The following ZNF26 variants were observed in gnomAD, a reference collection of about 807,000 sequenced individuals.
ZNF26 encodes zinc finger protein 26.
Under a neutral mutation model 54.9 loss-of-function variants are expected in ZNF26, and 32 were observed. The observed-to-expected ratio is 0.58, with a 90% CI of 0.44 to 0.78. ZNF26 has a LOEUF of 0.78. Among genes scored for constraint, ZNF26 ranks in the 30% least tolerant of loss-of-function variants. The pLI, the probability that ZNF26 is intolerant of heterozygous loss-of-function variation, is 0.00. For missense variants in ZNF26, 524 were observed against 634.0 expected, an observed-to-expected ratio of 0.83 and a Z score of 1.86; for synonymous variants, 221 against 209.2, an observed-to-expected ratio of 1.06 and a Z score of -0.49.
chr12:133,010,559 A>G lies in ZNF26; in HGVS notation c.680A>G (p.Glu227Gly), dbSNP rs1593670122. 6.2e-7 allele frequency: 1 copy of G among 1,614,070 alleles called. No individual in the cohort carries two copies. Among genetic ancestry groups the G allele is most frequent in the African/African-American group, 1.3e-5 (1 of 74,936 alleles). The change falls in exon 4 of 4, where the codon GAA becomes GGA. Residue 227 changes from glutamate to glycine, a missense_variant. Glu to Gly is a moderately conservative substitution (Grantham distance 98). Coordinates refer to ENST00000328654, the MANE Select transcript of ZNF26 (RefSeq NM_019591.4). ...GCTCATCAGAGAGTTCATACAGGAG[A>G]AAAACCCTACTCATGTAGTGAGTGC... ...LNAHQRVHTG[E>G]KPYSCSECEK... is the part of the protein sequence containing the mutation.
In ZNF26 at chr12:133,001,735, A is replaced by T. The variant is rs921343492; in HGVS notation, c.34-5307A>T. 4.9e-5 allele frequency: 63 copies of T among 1,287,716 alleles called. 2 individuals are homozygous for T. In the East Asian group the frequency reaches 1.5e-3, roughly 31 times the overall value. The allele number at this position is 1,287,716 out of a possible 1,614,324, so 79.8% of individuals were successfully genotyped here. ...GGGAAACAGTGCCCTGCCTGAGGTG[A>T]GCCGCAGGGAGGCGGGGCCCTGTTT... On this transcript the variant is annotated intron_variant, in intron 1 of 3. Coordinates refer to ENST00000328654, the MANE Select transcript of ZNF26 (RefSeq NM_019591.4). The surrounding 1 kb of genome is among the most constrained non-coding windows in gnomAD (Gnocchi z 4.7).
chr12:132,987,547 G>C (rs1267499862), intron 1 of ZNF26: 2 of 199,462 alleles, frequency 1.0e-5, no homozygotes, highest in East Asian at 3.7e-4. Flanking sequence ...TGTTGACGAC[G>C]TTGCCGGATG....
chr12:133,003,908 A>T (rs1385854532), intron 1 of ZNF26, among the ~76,000 whole-genome samples: 2 of 152,136 alleles, frequency 1.3e-5, no homozygotes, highest in Non-Finnish European at 2.9e-5. Flanking sequence ...TAAATAAGAA[A>T]TGCCTTTAGT....
chr12:132,991,804 T>A (rs1020234222), intron 1 of ZNF26, among the ~76,000 whole-genome samples: 1 of 151,694 alleles, frequency 6.6e-6, no homozygotes, highest in Non-Finnish European at 1.5e-5. Context: ...AGAAAAAAAA[T>A]TTTAATTTTA....
In ZNF26 at chr12:133,007,637, C is replaced by T. The variant is rs1003544101; in HGVS notation, c.256+105C>T. On this transcript the variant is annotated intron_variant, in intron 3 of 3. Transcript: ENST00000328654. ...GTCTTCAGAAATGCTTCTGGAAGTC[C>T]TTGAGCTATTGGAGCTGACTCAGGA... The T allele has an allele frequency of 1.2e-4, 93 of 776,198 alleles. No homozygotes were observed. The African/African-American group carries it at 1.5e-3, about 13-fold the overall frequency. The allele number at this position is 776,198 out of a possible 1,614,324, so 48.1% of individuals were successfully genotyped here. A position where few individuals can be genotyped will look rare whatever the true frequency, so the allele number is the denominator to read the frequency against.
At chr12:133,006,927 C>A in intron 1 of ZNF26, 115 bp from the exon 2 acceptor site, 1 of 1,303,084 alleles carries the variant, frequency 7.7e-7, no homozygotes, top group African/African-American at 1.5e-5. Context: ...AAATGCTGAA[C>A]CAGCCACAGG....
At position 133,011,304 on chromosome 12, in the gene ZNF26, T is replaced by G. The variant is rs2137262481; in HGVS notation, c.1425T>G (p.Thr475=). The G allele has an allele frequency of 6.2e-7, 1 of 1,613,874 alleles. No homozygotes were observed. Among genetic ancestry groups the G allele is most frequent in the Admixed American group, 1.7e-5 (1 of 59,978 alleles). ...RKASLQIHQK[T]HSGEKPFKCS... Reference sequence around the variant, plus strand: ...CATCACTTCAGATACACCAGAAAACTCATTCGGGAGAGAAACCTTTTAAAT... The same window carrying G: ...CATCACTTCAGATACACCAGAAAACGCATTCGGGAGAGAAACCTTTTAAAT... Residue 475 remains threonine, a synonymous_variant, in exon 4 of 4, where the codon ACT becomes ACG. Coordinates refer to ENST00000328654, the MANE Select transcript of ZNF26 (RefSeq NM_019591.4).
intron 1 of ZNF26, among the ~76,000 whole-genome samples, chr12:132,999,447 G>A (rs1953163916): frequency 6.6e-6 from 1 of 151,952 alleles, no homozygotes; most frequent in Non-Finnish European, 1.5e-5. Context: ...AGTAGAGGTG[G>A]GGTTTCACTG....
At position 133,021,251 on chromosome 12, in the gene ZNF26, A is replaced by G. The variant is rs1164168145; in HGVS notation, c.*9770A>G. ...CTCCAGCCTCAGCCTCCTGGGTTCAAGTGATTCTCCAGCCTCAGCCTCCTG... is the reference window on the plus strand; with the variant it reads ...CTCCAGCCTCAGCCTCCTGGGTTCAGGTGATTCTCCAGCCTCAGCCTCCTG... On this transcript the variant is annotated 3_prime_UTR_variant, in exon 4 of 4. Transcript: ENST00000328654. 7.3e-5 allele frequency: 11 copies of G among 151,426 alleles called. No homozygotes were observed. Among genetic ancestry groups the G allele is most frequent in the African/African-American group, 2.4e-4 (10 of 41,322 alleles). The allele number at this position is 151,426 out of a possible 1,614,324, so 9.4% of individuals were successfully genotyped here.
intron 1 of ZNF26, among the ~76,000 whole-genome samples, chr12:132,991,365 G>A (rs1395104807): frequency 4.6e-5 from 7 of 150,956 alleles, no homozygotes; most frequent in African/African-American, 1.5e-4. Flanking sequence ...GGGCATGGTG[G>A]CACACACCTG....
intron 3 of ZNF26, among the ~76,000 whole-genome samples, chr12:133,008,636 T>C (rs1953389454): frequency 1.3e-5 from 2 of 149,824 alleles, no homozygotes; most frequent in Non-Finnish European, 1.5e-5. Flanking sequence ...ATTAGCGGGG[T>C]GTGGTGGCGG....
chr12:132,994,250 T>G (rs1953025899), intron 1 of ZNF26, among the ~76,000 whole-genome samples: 1 of 152,228 alleles, frequency 6.6e-6, no homozygotes, highest in Non-Finnish European at 1.5e-5. Context: ...CTCACAGAGA[T>G]TTGTGATCTG....
At chr12:132,998,066 A>G (rs1378991561) in intron 1 of ZNF26, among the ~76,000 whole-genome samples, 2 of 152,122 alleles carry the variant, frequency 1.3e-5, no homozygotes, top group Non-Finnish European at 2.9e-5. Context: ...ATAAATTTTG[A>G]TCTCATTATA....
At position 133,012,138 on chromosome 12, in the gene ZNF26, C is replaced by G. The variant is rs11147205; in HGVS notation, c.*657C>G. 6.6e-6 allele frequency: 1 copy of G among 152,168 alleles called. No homozygotes were observed. The highest frequency in any genetic ancestry group is 1.5e-5 in the Non-Finnish European group (1 of 68,056). The allele number at this position is 152,168 out of a possible 1,614,324, so 9.4% of individuals were successfully genotyped here. A position where few individuals can be genotyped will look rare whatever the true frequency, so the allele number is the denominator to read the frequency against. On this transcript the variant is annotated 3_prime_UTR_variant, in exon 4 of 4. Coordinates refer to ENST00000328654, the MANE Select transcript of ZNF26 (RefSeq NM_019591.4). ...TTTGATTTCTTTTTCATAAGCAGAT[C>G]TGGCATTTATTACAGGGCTGCCGCT...
intron 1 of ZNF26, among the ~76,000 whole-genome samples, chr12:132,989,086 G>C (rs1952892311): frequency 1.5e-5 from 2 of 136,356 alleles, no homozygotes; most frequent in African/African-American, 5.4e-5. Context: ...GGCCAGGCTG[G>C]AGTGCAGTGG....
Position 133,026,142 on chromosome 12 carries a change from C to G in ZNF26, c.*14661C>G, listed in dbSNP as rs1311082353. On this transcript the variant is annotated 3_prime_UTR_variant, in exon 4 of 4. Coordinates refer to ENST00000328654, the MANE Select transcript of ZNF26 (RefSeq NM_019591.4). ...TTTTTGAGATGCACTCTCACTCTTT[C>G]CCAGGCTGGAGTGCAGTGGCACGAT... The G allele has an allele frequency of 6.6e-6, 1 of 151,296 alleles. No individual in the cohort carries two copies. The highest frequency in any genetic ancestry group is 1.9e-4 in the East Asian group (1 of 5,166). 9.4% of individuals were successfully genotyped at this position (151,296 alleles called of 1,614,324 possible). A position where few individuals can be genotyped will look rare whatever the true frequency, so the allele number is the denominator to read the frequency against.
chr12:132,993,361 C>T (rs1953004928), intron 1 of ZNF26, among the ~76,000 whole-genome samples: 1 of 151,920 alleles, frequency 6.6e-6, no homozygotes, highest in Non-Finnish European at 1.5e-5. Flanking sequence ...ACTTTATTCA[C>T]TAGAGCCCAT....
At chr12:133,007,561 A>T in intron 3 of ZNF26, 29 bp downstream of exon 3, 3 of 1,545,056 alleles carry the variant, frequency 1.9e-6, no homozygotes, top group Non-Finnish European at 2.7e-6. Flanking sequence ...GGAAGGTGGG[A>T]GGCATGGGAG....
chr12:133,001,548 T>G lies in ZNF26; in HGVS notation c.34-5494T>G. 1 of 702,096 alleles carries G rather than the reference T, an allele frequency of 1.4e-6. No individual in the cohort carries two copies. Among genetic ancestry groups the G allele is most frequent in the Non-Finnish European group, 2.1e-6 (1 of 466,034 alleles). The allele number at this position is 702,096 out of a possible 1,614,324, so 43.5% of individuals were successfully genotyped here. On this transcript the variant is annotated intron_variant, in intron 1 of 3. Transcript: ENST00000328654. This position sits in a 1 kb window ranked among gnomAD's most constrained non-coding sequence, Gnocchi z 4.7. ...AGGGCTCTGCCCTGCAGTTCCATGG[T>G]GTATGTGATTCTTTCTCTCACTGCA...
Sources: gnomAD v4.1 joint callset for allele counts (sites outside exome capture counted in the v4.1 genomes callset) on GRCh38, gnomAD v4.1.1 for gene constraint, Gnocchi (gnomAD v3.1) non-coding constraint, MANE v1.5 for transcripts, NCBI Gene and HGNC (gene_info 2026-07-23, HGNC 2026-07-21) for gene names.